ERBB4: variants seen among roughly 807,000 people sequenced by gnomAD.
ERBB4 encodes the protein receptor tyrosine-protein kinase erbB-4.
ERBB4 carries 42 observed loss-of-function variants against 158.0 expected under a neutral mutation model. The ratio of observed to expected loss-of-function variants is 0.27; its 90% confidence interval spans 0.21 to 0.34. The LOEUF (loss-of-function observed/expected upper bound fraction) is 0.34. Among genes scored for constraint, ERBB4 ranks in the 10% least tolerant of loss-of-function variants. ERBB4 has a pLI of 1.00. For missense variants in ERBB4, 1,333 were observed against 1,624.1 expected (o/e 0.82, Z 3.08); for synonymous variants, 583 against 558.7 (o/e 1.04, Z -0.61).
At chr2:211,567,614 A>C (rs2067589034) in intron 19 of ERBB4, among the ~76,000 whole-genome samples, 1 of 152,150 alleles carries the variant, frequency 6.6e-6, no homozygotes, top group Non-Finnish European at 1.5e-5. Context: ...GTCACACGGA[A>C]GCTCTCTTTT....
rs193274626 is a variant in ERBB4 at position 211,432,082 on chromosome 2, G to C, written c.2488-982C>G. Among the ~76,000 whole-genome samples the C allele has an allele frequency of 2.6e-5, 4 of 152,162 alleles. No individual in the cohort carries two copies. In the East Asian group the frequency reaches 7.7e-4, roughly 29 times the overall value. ...AGAGTGAATATATTTTTGTTGAAGT[G>C]TTAGGGGAAATTCTATATTTGATGA... is the stretch of plus-strand genomic sequence containing the variant. On this transcript the variant is annotated intron_variant, in intron 20 of 27. Transcript: ENST00000342788.
chr2:211,817,984 T>TA (rs1238786029), intron 3 of ERBB4, among the ~76,000 whole-genome samples: 9 of 152,152 alleles, frequency 5.9e-5, no homozygotes, highest in Non-Finnish European at 8.8e-5. Flanking sequence ...CATATCTTGT[T>TA]AAAGTTACTC....
Position 211,436,562 on chromosome 2 carries a change from A to G in ERBB4, c.2488-5462T>C, listed in dbSNP as rs1263072177. ...ATAGCAATTGGCATATAGTAAGTGT[A>G]GAACATGAAAACCTTTATTACTGCT... On this transcript the variant is annotated intron_variant, in intron 20 of 27. Transcript: ENST00000342788. Among the ~76,000 whole-genome samples the G allele has an allele frequency of 5.3e-5, 8 of 152,368 alleles. No individual in the cohort carries two copies. The South Asian group carries it at 1.2e-3, about 24-fold the overall frequency.
intron 3 of ERBB4, among the ~76,000 whole-genome samples, chr2:211,795,207 G>A (rs905610149): frequency 3.3e-5 from 5 of 151,696 alleles, no homozygotes; most frequent in African/African-American, 9.7e-5. Context: ...GCTCTATCAC[G>A]GCTTTGAATT....
At chr2:211,458,171 A>C (rs1029066247) in intron 20 of ERBB4, among the ~76,000 whole-genome samples, 7 of 147,084 alleles carry the variant, frequency 4.8e-5, no homozygotes, top group Admixed American at 2.0e-4. Context: ...CTGAGGTCAC[A>C]ACACTTGCCC....
At chr2:211,394,792 C>T (rs964541280) in intron 25 of ERBB4, among the ~76,000 whole-genome samples, 2 of 152,040 alleles carry the variant, frequency 1.3e-5, no homozygotes, top group African/African-American at 4.8e-5. Context: ...AAACAATGCA[C>T]TGGATCGGGC....
chr2:212,471,971 C>A (rs1204537367), intron 1 of ERBB4, among the ~76,000 whole-genome samples: 2 of 151,814 alleles, frequency 1.3e-5, no homozygotes, highest in African/African-American at 4.8e-5. Context: ...GAAACTCTCT[C>A]ATACTTAAGT....
intron 2 of ERBB4, among the ~76,000 whole-genome samples, chr2:211,955,241 A>C (rs1431032159): frequency 6.6e-6 from 1 of 152,036 alleles, no homozygotes; most frequent in African/African-American, 2.4e-5. Flanking sequence ...ACTTTCTAAG[A>C]ATCTGCAGGC....
chr2:212,154,268 T>C (rs2080963533), intron 1 of ERBB4, among the ~76,000 whole-genome samples: 1 of 152,156 alleles, frequency 6.6e-6, no homozygotes, highest in South Asian at 2.1e-4. Context: ...GCTTAAAGGA[T>C]ATACACATAT....
chr2:212,426,502 C>CTCTT (rs34480397), intron 1 of ERBB4: 196,282 of 355,836 alleles, frequency 0.55, 57,378 homozygotes, highest in African/African-American at 0.81. Context: ...AAACCTCAAT[C>CTCTT]TCTTTATCTC....
At chr2:211,455,440 G>A (rs1473621030) in intron 20 of ERBB4, among the ~76,000 whole-genome samples, 2 of 152,128 alleles carry the variant, frequency 1.3e-5, no homozygotes, top group Non-Finnish European at 2.9e-5. Context: ...TGGCAGCACT[G>A]TTCAGCTGCC....
At chr2:211,555,256 G>T (rs1211996084) in intron 20 of ERBB4, among the ~76,000 whole-genome samples, 1 of 152,112 alleles carries the variant, frequency 6.6e-6, no homozygotes, top group Non-Finnish European at 1.5e-5. Context: ...CACGATCTCG[G>T]CTCACCGCAA....
At chr2:212,240,611 C>G (rs1208338064) in intron 1 of ERBB4, among the ~76,000 whole-genome samples, 2 of 112,166 alleles carry the variant, frequency 1.8e-5, no homozygotes, top group African/African-American at 7.2e-5. Flanking sequence ...GCACTCCAGT[C>G]TGGGCAACAG....
intron 20 of ERBB4, chr2:211,561,648 T>G (rs2067395519): frequency 4.1e-6 from 2 of 483,726 alleles, no homozygotes; most frequent in African/African-American, 3.9e-5. Flanking sequence ...TTCCTCCCCC[T>G]GACTACCAAG....
chr2:211,428,939 T>C (rs2063693011), intron 21 of ERBB4, among the ~76,000 whole-genome samples: 1 of 151,936 alleles, frequency 6.6e-6, no homozygotes, highest in Non-Finnish European at 1.5e-5. Flanking sequence ...CTAGAACTCC[T>C]GAGCTCAAGT....
intron 3 of ERBB4, among the ~76,000 whole-genome samples, chr2:211,934,345 T>A (rs775727597): frequency 1.3e-5 from 2 of 152,006 alleles, no homozygotes; most frequent in Non-Finnish European, 1.5e-5. Flanking sequence ...AGTTGCCAAC[T>A]AGGGAGTAAT....
At chr2:212,105,973 TC>T (rs932568350) in intron 2 of ERBB4, among the ~76,000 whole-genome samples, 1 of 152,208 alleles carries the variant, frequency 6.6e-6, no homozygotes, top group Non-Finnish European at 1.5e-5. Flanking sequence ...TTGTAAAGCC[TC>T]CCCAGCCACA....
chr2:211,625,599 A>G (rs913210141), intron 17 of ERBB4, among the ~76,000 whole-genome samples: 47 of 152,216 alleles, frequency 3.1e-4, no homozygotes, highest in Non-Finnish European at 6.5e-4. Flanking sequence ...TTCAAGTCAC[A>G]TTTTAAAAAT....
intron 20 of ERBB4, among the ~76,000 whole-genome samples, chr2:211,450,116 T>A (rs1365673157): frequency 6.6e-6 from 1 of 152,194 alleles, no homozygotes; most frequent in Non-Finnish European, 1.5e-5. Flanking sequence ...TGAGGCAGCC[T>A]GGTTTCAGGT....
Sources: gnomAD v4.1 joint callset for allele counts (sites outside exome capture counted in the v4.1 genomes callset) on GRCh38, gnomAD v4.1.1 for gene constraint, MANE v1.5 for transcripts, NCBI Gene and HGNC (gene_info 2026-07-23, HGNC 2026-07-21) for gene names.